MYRFL: variants seen among roughly 807,000 people sequenced by gnomAD.
MYRFL encodes the protein myelin regulatory factor like.
In MYRFL, 88 loss-of-function variants were observed where a neutral mutation model predicts 109.4. The ratio of observed to expected loss-of-function variants is 0.80; its 90% confidence interval spans 0.68 to 0.96. MYRFL has a LOEUF of 0.96. Among genes scored for constraint, MYRFL ranks in the 40% least tolerant of loss-of-function variants. The pLI is 0.00. For missense variants in MYRFL, 957 were observed against 954.9 expected (o/e 1.00, Z -0.03); for synonymous variants, 324 against 320.9 (o/e 1.01, Z -0.10).
At chr12:69,839,229 GT>G (rs773164313) in intron 1 of MYRFL, among the ~76,000 whole-genome samples, 7 of 152,194 alleles carry the variant, frequency 4.6e-5, no homozygotes, top group Non-Finnish European at 8.8e-5. Flanking sequence ...GAAAGAACAG[GT>G]TCTGACTCAG....
At chr12:69,912,942 T>G (rs11177963) in intron 13 of MYRFL, among the ~76,000 whole-genome samples, 24,882 of 152,210 alleles carry the variant, frequency 0.16, 2,339 homozygotes, top group Middle Eastern at 0.22. Context: ...GATTCCAGTT[T>G]GTCCACGTCC....
At chr12:69,947,947 C>T (rs1955881718) in intron 19 of MYRFL, among the ~76,000 whole-genome samples, 2 of 152,136 alleles carry the variant, frequency 1.3e-5, no homozygotes, top group African/African-American at 4.8e-5. Flanking sequence ...TGGGCACCAT[C>T]CTAAATCTTT....
At chr12:69,829,955 G>A (rs1444532290) in intron 1 of MYRFL, among the ~76,000 whole-genome samples, 6 of 151,822 alleles carry the variant, frequency 4.0e-5, no homozygotes, top group Admixed American at 3.9e-4. Context: ...CCTCAGGCCA[G>A]TCTCTCAATT....
chr12:69,862,955 A>G (rs61927978), intron 2 of MYRFL, among the ~76,000 whole-genome samples: 6 of 152,046 alleles, frequency 3.9e-5, no homozygotes, highest in Admixed American at 1.3e-4. Context: ...AGTTTTTAGC[A>G]TGAAGGGTTG....
At chr12:69,878,860 T>C (rs1885859284) in intron 2 of MYRFL, among the ~76,000 whole-genome samples, 168 bp from the exon 3 acceptor site, 1 of 152,118 alleles carries the variant, frequency 6.6e-6, no homozygotes, top group African/African-American at 2.4e-5. Context: ...GGACACGACC[T>C]TGGGCCTGGT....
chr12:69,869,036 CAT>C (rs1679878496), intron 2 of MYRFL, among the ~76,000 whole-genome samples: 1 of 152,188 alleles, frequency 6.6e-6, no homozygotes, highest in African/African-American at 2.4e-5. Flanking sequence ...AGTAGGAAGA[CAT>C]ATTCTTAATG....
At chr12:69,948,369 C>T (rs1955888753) in intron 19 of MYRFL, among the ~76,000 whole-genome samples, 2 of 152,202 alleles carry the variant, frequency 1.3e-5, no homozygotes, top group African/African-American at 4.8e-5. Flanking sequence ...ACCAGGTACT[C>T]AATTGTATTC....
intron 1 of MYRFL, among the ~76,000 whole-genome samples, chr12:69,854,790 A>G (rs112997842): frequency 6.1e-4 from 93 of 152,334 alleles, no homozygotes; most frequent in African/African-American, 2.2e-3. Flanking sequence ...TAGTGTACCC[A>G]TCACCCGAAA....
At chr12:69,856,474 C>A (rs1374574688) in intron 2 of MYRFL, among the ~76,000 whole-genome samples, 2 of 152,026 alleles carry the variant, frequency 1.3e-5, no homozygotes, top group Admixed American at 1.3e-4. Context: ...GTAAAAATAT[C>A]CACATTTTTA....
chr12:69,955,341 T>G (rs1479334092), intron 21 of MYRFL, 22 bp from the exon 22 acceptor site: 2 of 621,554 alleles, frequency 3.2e-6, no homozygotes, highest in East Asian at 5.7e-5. Flanking sequence ...GATTTGTGGT[T>G]TTATTTTCTT....
At chr12:69,856,116 G>C (rs776724331) in intron 2 of MYRFL, among the ~76,000 whole-genome samples, 7 of 151,982 alleles carry the variant, frequency 4.6e-5, no homozygotes, top group Admixed American at 2.6e-4. Flanking sequence ...GGTAACCACT[G>C]GTCTGTTTTT....
intron 2 of MYRFL, among the ~76,000 whole-genome samples, chr12:69,859,487 T>C (rs1429751817): frequency 6.6e-6 from 1 of 152,244 alleles, no homozygotes; most frequent in Non-Finnish European, 1.5e-5. Flanking sequence ...CCATCAGTTC[T>C]ATTGGATTTT....
chr12:69,883,030 G>A (rs922929454), intron 5 of MYRFL, among the ~76,000 whole-genome samples: 2 of 152,170 alleles, frequency 1.3e-5, no homozygotes, highest in Non-Finnish European at 2.9e-5. Context: ...ATTTTGAAAG[G>A]CATTCAAATG....
At chr12:69,933,821 A>G (rs527481781) in intron 16 of MYRFL, among the ~76,000 whole-genome samples, 1 of 149,618 alleles carries the variant, frequency 6.7e-6, no homozygotes, top group Non-Finnish European at 1.5e-5. Flanking sequence ...TGGAAAAGTT[A>G]TAAGAAGTCT....
chr12:69,884,806 C>T (rs949779367), intron 5 of MYRFL, among the ~76,000 whole-genome samples: 1 of 152,210 alleles, frequency 6.6e-6, no homozygotes, highest in African/African-American at 2.4e-5. Context: ...GTGGTAGACA[C>T]TGTGCTCTGC....
intron 13 of MYRFL, among the ~76,000 whole-genome samples, chr12:69,922,757 T>C (rs1566027583): frequency 1.3e-5 from 2 of 152,184 alleles, no homozygotes; most frequent in Admixed American, 1.3e-4. Flanking sequence ...CCAGTTGGTG[T>C]TGAAATTTCC....
intron 13 of MYRFL, among the ~76,000 whole-genome samples, chr12:69,917,118 A>C (rs551940673): frequency 6.6e-6 from 1 of 152,244 alleles, no homozygotes; most frequent in African/African-American, 2.4e-5. Flanking sequence ...TGATCTCATC[A>C]TTTGGGCCTT....
chr12:69,928,699 G>C (rs144587398), intron 15 of MYRFL, among the ~76,000 whole-genome samples: 56 of 152,318 alleles, frequency 3.7e-4, no homozygotes, highest in African/African-American at 1.3e-3. Context: ...ACCACACTGG[G>C]AAATAGGGAC....
chr12:69,862,016 C>T (rs1250395478), intron 2 of MYRFL, among the ~76,000 whole-genome samples: 1 of 149,776 alleles, frequency 6.7e-6, no homozygotes, highest in African/African-American at 2.4e-5. Context: ...ATCCTTTCCC[C>T]ATTGCTTGTT....
Sources: gnomAD v4.1 joint callset for allele counts (sites outside exome capture counted in the v4.1 genomes callset) on GRCh38, gnomAD v4.1.1 for gene constraint, MANE v1.5 for transcripts, NCBI Gene and HGNC (gene_info 2026-07-23, HGNC 2026-07-21) for gene names.